MACROD2: variants seen among roughly 807,000 people sequenced by gnomAD.
MACROD2 encodes the protein ADP-ribose glycohydrolase MACROD2.
Under a neutral mutation model 70.4 loss-of-function variants are expected in MACROD2, and 36 were observed. That is an observed-to-expected ratio of 0.51 (90% CI 0.39 to 0.68). MACROD2 has a LOEUF of 0.68. Among genes scored for constraint, MACROD2 ranks in the 30% least tolerant of loss-of-function variants. MACROD2 has a pLI of 0.00. For synonymous variants in MACROD2, 172 were observed against 178.8 expected, an observed-to-expected ratio of 0.96 and a Z score of 0.30; for missense variants, 496 against 538.4, an observed-to-expected ratio of 0.92 and a Z score of 0.78.
intron 5 of MACROD2, among the ~76,000 whole-genome samples, chr20:15,002,656 C>A (rs1168128552): frequency 6.6e-6 from 1 of 152,016 alleles, no homozygotes; most frequent in East Asian, 1.9e-4. Flanking sequence ...GGTGAGGTAA[C>A]CTAAATGAGC....
chr20:14,629,538 T>C (rs549154317), intron 4 of MACROD2, among the ~76,000 whole-genome samples: 2 of 152,354 alleles, frequency 1.3e-5, no homozygotes, highest in South Asian at 4.1e-4. Flanking sequence ...AAAAATTCTT[T>C]GTACCTGATG....
chr20:14,651,773 T>C (rs893620033), intron 4 of MACROD2, among the ~76,000 whole-genome samples: 2 of 152,196 alleles, frequency 1.3e-5, no homozygotes, highest in Admixed American at 1.3e-4. Context: ...CAGTTCTGCA[T>C]GGACTCCAAC....
intron 5 of MACROD2, among the ~76,000 whole-genome samples, chr20:15,165,528 A>T (rs1195953046): frequency 6.6e-6 from 1 of 152,240 alleles, no homozygotes; most frequent in Non-Finnish European, 1.5e-5. Context: ...TGGGGAAAAA[A>T]GTGTAATTTA....
At chr20:15,179,154 A>AT (rs2076482956) in intron 5 of MACROD2, among the ~76,000 whole-genome samples, 1 of 152,210 alleles carries the variant, frequency 6.6e-6, no homozygotes, top group Non-Finnish European at 1.5e-5. Flanking sequence ...GGTAGGTGGC[A>AT]TGAAGGGGCT....
At chr20:14,669,815 A>G (rs1213017511) in intron 4 of MACROD2, among the ~76,000 whole-genome samples, 1 of 152,034 alleles carries the variant, frequency 6.6e-6, no homozygotes, top group East Asian at 1.9e-4. Flanking sequence ...GGAGACTTCC[A>G]CAGAAACAAG....
intron 8 of MACROD2, among the ~76,000 whole-genome samples, chr20:15,749,799 G>C (rs2223675): frequency 0.39 from 58,682 of 151,690 alleles, 12,973 homozygotes; most frequent in African/African-American, 0.6. Flanking sequence ...ACTGACTATC[G>C]AAAGGCAGAA....
chr20:14,032,883 A>G lies in MACROD2; in HGVS notation c.163+30479A>G, dbSNP rs985261319. Among the ~76,000 whole-genome samples the G allele has an allele frequency of 5.9e-5, 9 of 152,300 alleles. No individual in the cohort carries two copies. In the East Asian group the frequency reaches 1.7e-3, roughly 29 times the overall value. On this transcript the variant is annotated intron_variant, in intron 2 of 17. Coordinates refer to ENST00000684519, the MANE Select transcript of MACROD2 (RefSeq NM_001351661.2). ...AAATAAATTATTAATTACAAACAGC[A>G]TATAACTTTCTGATCTTTAGTAAGT...
intron 3 of MACROD2, among the ~76,000 whole-genome samples, chr20:14,293,970 G>A (rs745586665): frequency 1.8e-4 from 27 of 151,750 alleles, no homozygotes; most frequent in Non-Finnish European, 3.4e-4. Flanking sequence ...TTAGGTTTGA[G>A]TTTTAAAGGG....
At chr20:15,101,382 T>G (rs1478365390) in intron 5 of MACROD2, among the ~76,000 whole-genome samples, 1 of 151,982 alleles carries the variant, frequency 6.6e-6, no homozygotes, top group Admixed American at 6.6e-5. Context: ...CCTTCTATTT[T>G]TGATTTATTT....
chr20:14,251,219 G>T (rs912560512), intron 3 of MACROD2, among the ~76,000 whole-genome samples: 1 of 152,056 alleles, frequency 6.6e-6, no homozygotes, highest in Admixed American at 6.6e-5. Context: ...ACTGTACAGT[G>T]TACTTTTTTC....
At chr20:14,854,477 T>C (rs2073232114) in intron 5 of MACROD2, among the ~76,000 whole-genome samples, 1 of 152,150 alleles carries the variant, frequency 6.6e-6, no homozygotes, top group Non-Finnish European at 1.5e-5. Context: ...CTACTAAGCA[T>C]GGTTTGGTGA....
At chr20:15,285,506 A>G (rs2146096273) in intron 6 of MACROD2, among the ~76,000 whole-genome samples, 1 of 152,316 alleles carries the variant, frequency 6.6e-6, no homozygotes, top group East Asian at 1.9e-4. Context: ...TATGACAGCA[A>G]TGTATTTAAA....
At chr20:14,594,621 C>A (rs1472174544) in intron 4 of MACROD2, among the ~76,000 whole-genome samples, 1 of 152,146 alleles carries the variant, frequency 6.6e-6, no homozygotes, top group Non-Finnish European at 1.5e-5. Flanking sequence ...AGACTGGGCG[C>A]GGTGGCTCAC....
At chr20:14,414,174 T>G (rs1269809204) in intron 3 of MACROD2, among the ~76,000 whole-genome samples, 1 of 152,184 alleles carries the variant, frequency 6.6e-6, no homozygotes, top group Non-Finnish European at 1.5e-5. Flanking sequence ...AATAGACATC[T>G]CGGCTTAGAT....
At chr20:15,392,517 A>G (rs75029617) in intron 6 of MACROD2, among the ~76,000 whole-genome samples, 2,945 of 152,128 alleles carry the variant, frequency 0.019, 35 homozygotes, top group South Asian at 0.055. Flanking sequence ...TTGCATAATC[A>G]GTGTCATTTT....
At chr20:15,719,907 T>C (rs1302279150) in intron 8 of MACROD2, among the ~76,000 whole-genome samples, 1 of 152,182 alleles carries the variant, frequency 6.6e-6, no homozygotes. Context: ...TCTTTTTTTC[T>C]AATTGTAACT....
rs1267019474 is a variant in MACROD2 at position 14,455,191 on chromosome 20, T to G, written c.272-38288T>G. On this transcript the variant is annotated intron_variant, in intron 3 of 17. Coordinates refer to ENST00000684519, the MANE Select transcript of MACROD2 (RefSeq NM_001351661.2). ...ATTAACACCTCAGCTATTAAATTCT[T>G]TTATAATAAACCATAATTTAAAATA... 2.6e-5 allele frequency among the ~76,000 whole-genome samples: 4 copies of G among 151,898 alleles called. 1 individual carries two copies. Among genetic ancestry groups the G allele is most frequent in the African/African-American group, 9.7e-5 (4 of 41,134 alleles).
intron 3 of MACROD2, among the ~76,000 whole-genome samples, chr20:14,121,286 G>A (rs1176560935): frequency 6.6e-6 from 1 of 152,116 alleles, no homozygotes; most frequent in Admixed American, 6.6e-5. Context: ...TGTCATAGAT[G>A]GGGAAACAGA....
intron 8 of MACROD2, among the ~76,000 whole-genome samples, chr20:15,660,673 TAAAATGTGTGTAATGTC>T (rs777470940): frequency 2.0e-5 from 3 of 152,292 alleles, no homozygotes; most frequent in Non-Finnish European, 4.4e-5. Flanking sequence ...AAATAGATGC[TAAAATGTGTGTAATGTC>T]ACATTTACTT....
Sources: allele counts gnomAD v4.1 joint callset (sites outside exome capture counted in the v4.1 genomes callset), GRCh38; gene constraint gnomAD v4.1.1; transcripts MANE v1.5; gene names NCBI Gene and HGNC (gene_info 2026-07-23, HGNC 2026-07-21).